Variants in TENM3 observed in about 807,000 individuals in gnomAD.
TENM3 encodes the protein teneurin-3.
Under a neutral mutation model 255.1 loss-of-function variants are expected in TENM3, and 63 were observed. The ratio of observed to expected loss-of-function variants is 0.25; its 90% confidence interval spans 0.20 to 0.30. The LOEUF (loss-of-function observed/expected upper bound fraction) is 0.30, where lower values mean the gene tolerates loss of function less well. Ranked by LOEUF, TENM3 falls within the 10% of genes least tolerant of loss-of-function variation. The pLI, the probability that TENM3 is intolerant of heterozygous loss-of-function variation, is 1.00. For synonymous variants in TENM3, 1,306 were observed against 1,322.3 expected, an observed-to-expected ratio of 0.99 and a Z score of 0.27; for missense variants, 2,929 against 3,461.1, an observed-to-expected ratio of 0.85 and a Z score of 3.86.
intron 1 of TENM3, among the ~76,000 whole-genome samples, chr4:182,157,589 C>CGAAG (rs1256506085): frequency 6.6e-6 from 1 of 152,180 alleles, no homozygotes; most frequent in Non-Finnish European, 1.5e-5. Flanking sequence ...CTCTGGACTT[C>CGAAG]GGTCATCACC....
chr4:181,962,865 T>G, the TENM3 span, among the ~76,000 whole-genome samples: 2 of 152,182 alleles, frequency 1.3e-5, no homozygotes, highest in Admixed American at 1.3e-4. Flanking sequence ...GAAATAAAAT[T>G]AAATAAATGG....
intron 1 of TENM3, among the ~76,000 whole-genome samples, chr4:182,205,022 G>C (rs1754457168): frequency 6.6e-6 from 1 of 152,174 alleles, no homozygotes; most frequent in African/African-American, 2.4e-5. Flanking sequence ...AAGATTTGCA[G>C]TCTTCTTTAT....
At chr4:182,195,023 TCACACACACACACA>T (rs70954299) in intron 1 of TENM3, among the ~76,000 whole-genome samples, 1,895 of 146,982 alleles carry the variant, frequency 0.013, 17 homozygotes, top group Non-Finnish European at 0.017. Context: ...ACAGTCTCTA[TCACACACACACACA>T]CACACACACA....
the TENM3 span, among the ~76,000 whole-genome samples, chr4:181,731,407 G>A: frequency 6.6e-6 from 1 of 152,158 alleles, no homozygotes; most frequent in South Asian, 2.1e-4. Context: ...GGGCTGGAGT[G>A]CAGTGGTGAT....
At chr4:182,606,523 CAAAAAAAAAA>C (rs746315807) in intron 4 of TENM3, among the ~76,000 whole-genome samples, 1 of 51,726 alleles carries the variant, frequency 1.9e-5, no homozygotes, top group Non-Finnish European at 3.5e-5. Context: ...GACTCTGTCT[CAAAAAAAAAA>C]AAAAAAAAAA....
chr4:181,883,602 G>A, the TENM3 span, among the ~76,000 whole-genome samples: 7 of 152,018 alleles, frequency 4.6e-5, no homozygotes, highest in South Asian at 1.5e-3. Context: ...AGCCTCCCGA[G>A]TAGCTGGGAC....
chr4:182,727,601 T>C (rs1258472679), intron 13 of TENM3, among the ~76,000 whole-genome samples: 1 of 152,182 alleles, frequency 6.6e-6, no homozygotes, highest in Non-Finnish European at 1.5e-5. Context: ...GCATGGGCCA[T>C]TGAGTGTAGT....
the TENM3 span, among the ~76,000 whole-genome samples, chr4:181,630,044 C>T: frequency 2.0e-5 from 3 of 152,166 alleles, no homozygotes; most frequent in Admixed American, 6.5e-5. Flanking sequence ...AGAGATTCAA[C>T]TTCTTCCTGG....
the TENM3 span, among the ~76,000 whole-genome samples, chr4:181,988,417 A>C: frequency 2.0e-5 from 3 of 152,050 alleles, no homozygotes; most frequent in African/African-American, 7.2e-5. Context: ...ATTCAGCAAC[A>C]GCTCCTTAAA....
At position 182,800,400 on chromosome 4, in the gene TENM3, T is replaced by G. The variant is rs1204924304; in HGVS notation, c.*49T>G. On this transcript the variant is annotated 3_prime_UTR_variant, in exon 28 of 28. Transcript: ENST00000511685. ...CGCTCACGCCCTGCCCACATTGTCCTGTGGCACAACCCGAGTGGGACTCTC... is the reference window on the plus strand; with the variant it reads ...CGCTCACGCCCTGCCCACATTGTCCGGTGGCACAACCCGAGTGGGACTCTC... 6.6e-7 allele frequency: 1 copy of G among 1,506,990 alleles called. No homozygotes were observed. Among genetic ancestry groups the G allele is most frequent in the South Asian group, 1.2e-5 (1 of 80,604 alleles). The allele number at this position is 1,506,990 out of a possible 1,614,324, so 93.4% of individuals were successfully genotyped here.
chr4:182,323,050 T>C (rs1763154939), intron 1 of TENM3, among the ~76,000 whole-genome samples: 2 of 152,174 alleles, frequency 1.3e-5, no homozygotes, highest in South Asian at 4.1e-4. Context: ...AGGAGAACCA[T>C]TTGAAATGCG....
intron 1 of TENM3, among the ~76,000 whole-genome samples, chr4:182,182,216 A>C (rs983591516): frequency 3.3e-5 from 5 of 152,156 alleles, no homozygotes; most frequent in Non-Finnish European, 7.3e-5. Flanking sequence ...TTTCAAGGGC[A>C]GCCCGTTTTT....
intron 3 of TENM3, among the ~76,000 whole-genome samples, chr4:182,594,149 G>C (rs1388737877): frequency 6.6e-6 from 1 of 152,036 alleles, no homozygotes; most frequent in Non-Finnish European, 1.5e-5. Context: ...TTTGTTTTCT[G>C]TTCTTATGAC....
At chr4:182,172,860 G>T (rs990446406) in intron 1 of TENM3, among the ~76,000 whole-genome samples, 1 of 152,118 alleles carries the variant, frequency 6.6e-6, no homozygotes, top group Non-Finnish European at 1.5e-5. Flanking sequence ...TAATAGTAGT[G>T]AATATCTTGG....
At chr4:182,666,289 G>A (rs1754673790) in intron 6 of TENM3, among the ~76,000 whole-genome samples, 2 of 152,212 alleles carry the variant, frequency 1.3e-5, no homozygotes, top group African/African-American at 2.4e-5. Context: ...AGATAAAGCA[G>A]TGGCAAGGTT....
chr4:182,672,344 A>G (rs530746630), intron 6 of TENM3, among the ~76,000 whole-genome samples: 2 of 152,340 alleles, frequency 1.3e-5, no homozygotes, highest in South Asian at 4.1e-4. Context: ...TAAGACTACA[A>G]GTGAGTTTGA....
the TENM3 span, among the ~76,000 whole-genome samples, chr4:182,084,620 T>C: frequency 6.6e-6 from 1 of 152,186 alleles, no homozygotes; most frequent in African/African-American, 2.4e-5. Context: ...ATTAAAAGGA[T>C]GCTATTTAAG....
At chr4:182,233,344 C>A (rs56267338) in intron 1 of TENM3, among the ~76,000 whole-genome samples, 30,079 of 152,198 alleles carry the variant, frequency 0.2, 3,265 homozygotes, top group Non-Finnish European at 0.23. Context: ...GCCTGCCAGG[C>A]AAACCACCCT....
chr4:181,755,568 G>A, the TENM3 span, among the ~76,000 whole-genome samples: 1 of 152,186 alleles, frequency 6.6e-6, no homozygotes, highest in African/African-American at 2.4e-5. Context: ...TGACCATTCG[G>A]AAATCAGACC....
Sources: allele counts gnomAD v4.1 joint callset (sites outside exome capture counted in the v4.1 genomes callset), GRCh38; gene constraint gnomAD v4.1.1; transcripts MANE v1.5; gene names NCBI Gene and HGNC (gene_info 2026-07-23, HGNC 2026-07-21).